DYM: variants seen among roughly 807,000 people sequenced by gnomAD.
DYM encodes the protein dymeclin.
Under a neutral mutation model 93.1 loss-of-function variants are expected in DYM, and 78 were observed. That is an observed-to-expected ratio of 0.84 (90% confidence interval 0.70 to 1.01). The LOEUF (loss-of-function observed/expected upper bound fraction) is 1.01, where lower values mean the gene tolerates loss of function less well. DYM is among the 50% of genes least tolerant of loss of function. The probability of loss-of-function intolerance (pLI) is 0.00; values close to 1 mark genes in which losing one functional copy is unlikely to be tolerated. For missense variants in DYM, 789 were observed against 845.0 expected (o/e 0.93, Z 0.82); for synonymous variants, 321 against 319.7 (o/e 1.00, Z -0.04).
intron 17 of DYM, among the ~76,000 whole-genome samples, chr18:49,067,373 G>T (rs985247143): frequency 3.1e-5 from 4 of 128,930 alleles, no homozygotes; most frequent in Admixed American, 1.6e-4. Context: ...GATGTGTTAT[G>T]GAGGTTCAGT....
intron 13 of DYM, among the ~76,000 whole-genome samples, chr18:49,255,686 AAAG>A (rs1181630227): frequency 5.1e-4 from 77 of 151,162 alleles, no homozygotes; most frequent in South Asian, 1.5e-3. Flanking sequence ...AAAAAAAAAA[AAAG>A]AAGAAGAGAA....
At chr18:49,264,989 A>G (rs974725112) in intron 11 of DYM, among the ~76,000 whole-genome samples, 8 of 152,236 alleles carry the variant, frequency 5.3e-5, no homozygotes, top group African/African-American at 1.9e-4. Context: ...CCGTTACCAC[A>G]GGTATGAGAG....
intron 8 of DYM, among the ~76,000 whole-genome samples, chr18:49,295,774 T>C (rs1413583826): frequency 6.6e-6 from 1 of 152,146 alleles, no homozygotes; most frequent in Non-Finnish European, 1.5e-5. Flanking sequence ...AATTCTTGGC[T>C]CATCACAATT....
rs752418475 is a variant in DYM at position 49,044,140 on chromosome 18, T to C, written c.2090A>G (p.Tyr697Cys). 1.2e-6 allele frequency: 2 copies of C among 1,614,144 alleles called. No homozygotes were observed. Among genetic ancestry groups the C allele is most frequent in the Non-Finnish European group, 1.7e-6 (2 of 1,180,014 alleles). The change falls in exon 18 of 18, where the codon TAT becomes TGT. Residue 697 changes from tyrosine to cysteine, a missense_variant. By Grantham distance (194) the Tyr-to-Cys change is radical. Around this residue, in one of 3 missense-constraint regions of DYM, gnomAD observed 114 missense variants for 105.8 expected, o/e 1.08. Coordinates refer to ENST00000675505, the MANE Select transcript of DYM (RefSeq NM_001353214.3). The stretch of plus-strand genomic sequence containing the variant: ...TGAGTTGTAGACAAGAGACCAGACA[T>C]AGGGGATAAAAAACTCCTCGGGCTG... ...EEQPEEFFIP[Y>C]VWSLVYNSAV...
At chr18:49,144,351 T>C (rs1335422791) in intron 15 of DYM, among the ~76,000 whole-genome samples, 1 of 152,138 alleles carries the variant, frequency 6.6e-6, no homozygotes, top group Non-Finnish European at 1.5e-5. Context: ...TGGTGTGTTC[T>C]ACATCAGGAG....
chr18:49,304,105 T>C (rs2061127995), intron 8 of DYM, among the ~76,000 whole-genome samples: 1 of 152,224 alleles, frequency 6.6e-6, no homozygotes, highest in Non-Finnish European at 1.5e-5. Flanking sequence ...CAATTATAAG[T>C]TTCTATTAAC....
chr18:49,257,186 T>C (rs1397013330), intron 12 of DYM, 82 bp from the exon 13 acceptor site: 2 of 1,071,422 alleles, frequency 1.9e-6, no homozygotes, highest in Middle Eastern at 2.0e-4. Flanking sequence ...TAGAAGCAAA[T>C]GTAAACTCAG....
intron 13 of DYM, among the ~76,000 whole-genome samples, chr18:49,223,463 A>G (rs1401856214): frequency 2.0e-5 from 3 of 152,138 alleles, no homozygotes; most frequent in African/African-American, 7.2e-5. Context: ...ACACATGACT[A>G]ATCAAATGTG....
chr18:49,070,390 G>C (rs1321684689), intron 17 of DYM, among the ~76,000 whole-genome samples: 3 of 152,170 alleles, frequency 2.0e-5, no homozygotes, highest in Non-Finnish European at 4.4e-5. Context: ...ACTTGCCCCA[G>C]ACTGCAGGAC....
chr18:49,302,620 G>A (rs932545989), intron 8 of DYM, among the ~76,000 whole-genome samples: 34 of 152,128 alleles, frequency 2.2e-4, no homozygotes, highest in African/African-American at 7.5e-4. Context: ...GTGGGGGGAC[G>A]AGTGAAAGAA....
At chr18:49,201,423 C>T (rs370368730) in intron 14 of DYM, among the ~76,000 whole-genome samples, 28 of 152,180 alleles carry the variant, frequency 1.8e-4, no homozygotes, top group East Asian at 5.8e-4. Flanking sequence ...GATTCTTTCA[C>T]CTCAGGTTCA....
At chr18:49,369,318 C>T (rs1055831300) in intron 5 of DYM, among the ~76,000 whole-genome samples, 1 of 152,182 alleles carries the variant, frequency 6.6e-6, no homozygotes, top group African/African-American at 2.4e-5. Context: ...TGGGTTCAGC[C>T]TCTATGGATA....
intron 17 of DYM, among the ~76,000 whole-genome samples, chr18:49,061,548 G>A (rs1020588455): frequency 1.3e-5 from 2 of 152,238 alleles, no homozygotes; most frequent in African/African-American, 4.8e-5. Flanking sequence ...CAGGACCTCA[G>A]CGTGCTCTTG....
In DYM at chr18:49,419,710, A is replaced by G. The variant is rs943580570; in HGVS notation, c.140+10545T>C. Among the ~76,000 whole-genome samples the G allele has an allele frequency of 3.9e-5, 6 of 152,224 alleles. No individual in the cohort carries two copies. The South Asian group carries it at 1.2e-3, about 32-fold the overall frequency. On this transcript the variant is annotated intron_variant, in intron 2 of 17. Coordinates refer to ENST00000675505, the MANE Select transcript of DYM (RefSeq NM_001353214.3). ...TTTTAATTCAAATTGTCTTCAATCT[A>G]TAGGTCAATTTGAAAAGAAGTGACA... is the stretch of plus-strand genomic sequence containing the variant.
intron 8 of DYM, among the ~76,000 whole-genome samples, chr18:49,294,751 C>A (rs1363852364): frequency 1.3e-5 from 2 of 151,902 alleles, no homozygotes; most frequent in East Asian, 3.9e-4. Flanking sequence ...TTACATCTAA[C>A]AAACATATTA....
chr18:49,256,263 A>G (rs2094392626), intron 13 of DYM, among the ~76,000 whole-genome samples: 1 of 152,142 alleles, frequency 6.6e-6, no homozygotes, highest in South Asian at 2.1e-4. Context: ...TTGAGATGGA[A>G]GATAATCCTG....
At position 49,460,167 on chromosome 18, in the gene DYM, C is replaced by G. The variant is rs1410150482; in HGVS notation, c.-54+231G>C. Among the ~76,000 whole-genome samples the G allele has an allele frequency of 3.3e-5, 5 of 152,356 alleles. No individual in the cohort carries two copies. The East Asian group carries it at 9.7e-4, about 29-fold the overall frequency. ...TCTCCGGAAGCACCGACTTGGCCTT[C>G]GGTATCCCCCAACTCCCAACAGCGG... On this transcript the variant is annotated intron_variant, in intron 1 of 17. Coordinates refer to ENST00000675505, the MANE Select transcript of DYM (RefSeq NM_001353214.3).
chr18:49,341,556 C>T (rs2064146673), intron 6 of DYM, among the ~76,000 whole-genome samples: 1 of 148,910 alleles, frequency 6.7e-6, no homozygotes, highest in Non-Finnish European at 1.5e-5. Flanking sequence ...TCTGTATTTC[C>T]TTTGTGTCAC....
intron 2 of DYM, among the ~76,000 whole-genome samples, chr18:49,425,511 A>C (rs1480050512): frequency 3.9e-5 from 6 of 152,098 alleles, no homozygotes; most frequent in African/African-American, 1.4e-4. Context: ...AAAACACCAA[A>C]AGCAATGGCA....
Sources: allele counts gnomAD v4.1 joint callset (sites outside exome capture counted in the v4.1 genomes callset), GRCh38; gene constraint gnomAD v4.1.1; regional missense constraint gnomAD v4.1.1; transcripts MANE v1.5; gene names NCBI Gene and HGNC (gene_info 2026-07-23, HGNC 2026-07-21).